Variants in GPHN observed in about 807,000 individuals in gnomAD.
The protein encoded by GPHN is gephyrin.
In GPHN, 17 loss-of-function variants were observed where a neutral mutation model predicts 95.5. The observed-to-expected ratio is 0.18, with a 90% CI of 0.12 to 0.27. GPHN has a LOEUF of 0.27. GPHN is among the 10% of genes least tolerant of loss of function. The pLI is 1.00. For missense variants in GPHN, 660 were observed against 978.1 expected (o/e 0.67, Z 4.34); for synonymous variants, 320 against 322.5 (o/e 0.99, Z 0.08).
At chr14:66,810,771 T>G (rs945057377) in intron 3 of GPHN, among the ~76,000 whole-genome samples, 1 of 152,194 alleles carries the variant, frequency 6.6e-6, no homozygotes, top group Non-Finnish European at 1.5e-5. Flanking sequence ...AGATGCTTTC[T>G]GTTCTCATTT....
chr14:66,719,794 C>A (rs2070550052), intron 2 of GPHN, among the ~76,000 whole-genome samples: 1 of 152,076 alleles, frequency 6.6e-6, no homozygotes, highest in Non-Finnish European at 1.5e-5. Context: ...TCATAGATAA[C>A]CTGATAAATA....
intron 4 of GPHN, among the ~76,000 whole-genome samples, chr14:66,878,623 T>TCA (rs1194229536): frequency 2.6e-5 from 4 of 152,020 alleles, no homozygotes; most frequent in Non-Finnish European, 5.9e-5. Flanking sequence ...AAGCTAAGGG[T>TCA]CACTGGTCAT....
At chr14:66,864,322 T>C (rs993064444) in intron 4 of GPHN, among the ~76,000 whole-genome samples, 40 of 152,264 alleles carry the variant, frequency 2.6e-4, no homozygotes, top group African/African-American at 9.1e-4. Context: ...TAACAAATAC[T>C]GGTGAGGACT....
the GPHN span, among the ~76,000 whole-genome samples, chr14:67,666,723 C>A: frequency 2.1e-3 from 314 of 152,270 alleles, 2 homozygotes; most frequent in Admixed American, 5.1e-3. Flanking sequence ...ACACTAGACC[C>A]TGGAGAAACT....
the GPHN span, chr14:67,574,227 TC>T: frequency 6.3e-7 from 1 of 1,577,652 alleles, no homozygotes; most frequent in South Asian, 1.2e-5. The surrounding 1 kb of genome is among the most constrained non-coding windows in gnomAD (Gnocchi z 4.2). Flanking sequence ...CACCCCCATA[TC>T]TCGCCCTCCA....
intron 5 of GPHN, among the ~76,000 whole-genome samples, chr14:66,905,889 G>A (rs1393450480): frequency 6.6e-6 from 1 of 151,988 alleles, no homozygotes; most frequent in Non-Finnish European, 1.5e-5. Flanking sequence ...CGTCCATGTT[G>A]CTGCAGAGGA....
At chr14:67,569,002 C>T in the GPHN span, 1 of 601,690 alleles carries the variant, frequency 1.7e-6, no homozygotes, top group South Asian at 2.0e-5. Flanking sequence ...AAGTAACTTG[C>T]CCAAGATTTG....
intron 2 of GPHN, chr14:66,760,855 A>T (rs1005906347): frequency 1.6e-6 from 1 of 639,690 alleles, no homozygotes; most frequent in African/African-American, 1.8e-5. Flanking sequence ...GAAATTTATA[A>T]TGAACAGATT....
intron 12 of GPHN, among the ~76,000 whole-genome samples, chr14:67,097,659 C>T (rs1214630383): frequency 6.6e-6 from 1 of 152,074 alleles, no homozygotes; most frequent in Non-Finnish European, 1.5e-5. Flanking sequence ...CAGTGTAGCT[C>T]AGGTACTTTA....
At chr14:67,425,387 C>T in the GPHN span, among the ~76,000 whole-genome samples, 1 of 152,090 alleles carries the variant, frequency 6.6e-6, no homozygotes, top group African/African-American at 2.4e-5. Flanking sequence ...TCCATCTCTA[C>T]AAAAAATTAG....
At chr14:67,588,913 C>CTT in the GPHN span, 2 of 152,590 alleles carry the variant, frequency 1.3e-5, no homozygotes, top group Non-Finnish European at 2.9e-5. Flanking sequence ...GTTTCTGCCT[C>CTT]TTTTAAATGT....
chr14:67,352,121 CAAAAAAT>C, the GPHN span, among the ~76,000 whole-genome samples: 4 of 151,454 alleles, frequency 2.6e-5, no homozygotes, highest in African/African-American at 9.7e-5. Context: ...CCCATCTCCA[CAAAAAAT>C]AAAAAAATAA....
At chr14:67,312,802 A>G in the GPHN span, 30 of 1,009,644 alleles carry the variant, frequency 3.0e-5, no homozygotes, top group Middle Eastern at 2.3e-4. Context: ...TCATGCCTCT[A>G]TTTAATAAAG....
At chr14:66,921,247 T>C (rs2066200638) in intron 6 of GPHN, among the ~76,000 whole-genome samples, 2 of 152,206 alleles carry the variant, frequency 1.3e-5, no homozygotes, top group South Asian at 4.1e-4. Context: ...ACCGCATCCA[T>C]GCCAACATCT....
chr14:67,650,882 C>T, the GPHN span: 1 of 1,614,084 alleles, frequency 6.2e-7, no homozygotes, highest in Non-Finnish European at 8.5e-7. Context: ...TCCCAGTTCA[C>T]CAGATGAATC....
At chr14:67,026,331 A>G (rs1372794869) in intron 10 of GPHN, among the ~76,000 whole-genome samples, 1 of 152,140 alleles carries the variant, frequency 6.6e-6, no homozygotes, top group East Asian at 1.9e-4. Context: ...ATGTTAGCTG[A>G]TATTATTGTT....
At chr14:67,226,761 C>T in the GPHN span, among the ~76,000 whole-genome samples, 3 of 152,176 alleles carry the variant, frequency 2.0e-5, no homozygotes, top group Non-Finnish European at 4.4e-5. Context: ...CAAATGTCCA[C>T]ACTCCATAAT....
intron 1 of GPHN, among the ~76,000 whole-genome samples, chr14:66,625,703 TCA>T (rs1239505053): frequency 1.3e-5 from 2 of 152,224 alleles, no homozygotes; most frequent in African/African-American, 4.8e-5. Flanking sequence ...TCTAATAAAA[TCA>T]CAGTGTGGTT....
At chr14:67,273,275 C>T in the GPHN span, among the ~76,000 whole-genome samples, 1 of 149,168 alleles carries the variant, frequency 6.7e-6, no homozygotes, top group Non-Finnish European at 1.5e-5. Flanking sequence ...CCTCCCACCT[C>T]CCCAACCCCA....
Sources: allele counts gnomAD v4.1 joint callset (sites outside exome capture counted in the v4.1 genomes callset), GRCh38; gene constraint gnomAD v4.1.1; non-coding constraint Gnocchi (gnomAD v3.1); transcripts MANE v1.5; gene names NCBI Gene and HGNC (gene_info 2026-07-23, HGNC 2026-07-21).